ZNF462: variants seen among roughly 807,000 people sequenced by gnomAD.
ZNF462 encodes zinc finger PBX1-interacting protein.
A neutral mutation model predicts 201.9 loss-of-function variants in ZNF462; 10 were observed. That is an observed-to-expected ratio of 0.05 (90% CI 0.03 to 0.08). ZNF462 has a LOEUF of 0.08. Ranked by LOEUF, ZNF462 falls within the 10% of genes least tolerant of loss-of-function variation. The pLI, the probability that ZNF462 is intolerant of heterozygous loss-of-function variation, is 1.00. For synonymous variants in ZNF462, 1,227 were observed against 1,193.3 expected (o/e 1.03, Z -0.58); for missense variants, 2,523 against 3,168.3 (o/e 0.80, Z 4.89).
intron 1 of ZNF462, among the ~76,000 whole-genome samples, chr9:106,884,559 C>T (rs966801092): frequency 6.6e-6 from 1 of 152,032 alleles, no homozygotes; most frequent in Non-Finnish European, 1.5e-5. Flanking sequence ...TGCCCTGTCC[C>T]CTTCCTCCCA....
At chr9:106,980,061 A>G (rs1827305662) in intron 9 of ZNF462, among the ~76,000 whole-genome samples, 1 of 152,118 alleles carries the variant, frequency 6.6e-6, no homozygotes. Flanking sequence ...CTTTAATTTT[A>G]TTCAGTGAAA....
intron 8 of ZNF462, among the ~76,000 whole-genome samples, chr9:106,973,179 A>C (rs1452720232): frequency 6.6e-6 from 1 of 152,222 alleles, no homozygotes; most frequent in African/African-American, 2.4e-5. Flanking sequence ...TATTATAATA[A>C]TATGACATTA....
chr9:107,004,274 A>G (rs1191502574), intron 11 of ZNF462, among the ~76,000 whole-genome samples: 3 of 152,228 alleles, frequency 2.0e-5, no homozygotes, highest in Non-Finnish European at 4.4e-5. Context: ...ATATTGACCC[A>G]GAGATGAGAA....
At chr9:106,910,833 A>G (rs1477298712) in intron 1 of ZNF462, among the ~76,000 whole-genome samples, 1 of 152,156 alleles carries the variant, frequency 6.6e-6, no homozygotes, top group Non-Finnish European at 1.5e-5. Context: ...TTCCAGACAC[A>G]TCTTTGTCTT....
Position 107,011,513 on chromosome 9 carries a change from CA to C in ZNF462, c.*496del, listed in dbSNP as rs11284528. The C allele has an allele frequency of 0.1, 14,115 of 137,668 alleles. 1,774 individuals are homozygous for C. The highest frequency in any genetic ancestry group is 0.31 in the African/African-American group (11,995 of 38,710). 8.5% of individuals were successfully genotyped at this position (137,668 alleles called of 1,614,324 possible). ...AAAACAAAAAACAAAAAACAGAAAA[CA>C]AAAAAAAAAAAACTGCTTTGCATAA... On this transcript the variant is annotated 3_prime_UTR_variant, in exon 13 of 13. Coordinates refer to ENST00000277225, the MANE Select transcript of ZNF462 (RefSeq NM_021224.6). The surrounding 1 kb of genome is among the most constrained non-coding windows in gnomAD (Gnocchi z 5.6).
intron 10 of ZNF462, among the ~76,000 whole-genome samples, chr9:106,998,009 T>C (rs2132540769): frequency 6.6e-6 from 1 of 152,324 alleles, no homozygotes; most frequent in Non-Finnish European, 1.5e-5. Flanking sequence ...TGAATAGTTG[T>C]AACAAAGACT....
rs567097406 is a variant in ZNF462, at chr9:106,954,458, A to T, written c.6427+15351A>T. 1.5e-3 allele frequency among the ~76,000 whole-genome samples: 227 copies of T among 151,846 alleles called. No individual in the cohort carries two copies. Among genetic ancestry groups the T allele is most frequent in the African/African-American group, 5.0e-3 (208 of 41,410 alleles). Reference sequence around the variant, plus strand: ...CTTGACACGTGGGGATTACAATTAGAGATGAGATTTGGGTGGGGACACAGA... The same window carrying T: ...CTTGACACGTGGGGATTACAATTAGTGATGAGATTTGGGTGGGGACACAGA... On this transcript the variant is annotated intron_variant, in intron 7 of 12. Transcript: ENST00000277225. This position sits in a 1 kb window ranked among gnomAD's most constrained non-coding sequence, Gnocchi z 4.0.
upstream of ZNF462, chr9:106,863,041 GGGAGAGGGAGGAGA>G: frequency 2.5e-6 from 1 of 396,580 alleles, no homozygotes; most frequent in East Asian, 3.6e-5. Flanking sequence ...GAGCGCGCGA[GGGAGAGGGAGGAGA>G]GGAGAGAGAA....
At chr9:106,956,829 A>G (rs548215379) in intron 7 of ZNF462, among the ~76,000 whole-genome samples, 5 of 152,252 alleles carry the variant, frequency 3.3e-5, no homozygotes, top group Admixed American at 6.5e-5. Flanking sequence ...TTTCTTCTCC[A>G]GCTCTGTCAC....
rs1284617265 is a variant in ZNF462, at chr9:106,977,848, A to C, written c.6832+3575A>C. Among the ~76,000 whole-genome samples, 1 of 151,610 alleles carries C rather than the reference A, an allele frequency of 6.6e-6. No individual in the cohort carries two copies. Among genetic ancestry groups the C allele is most frequent in the Non-Finnish European group, 1.5e-5 (1 of 68,036 alleles). The stretch of plus-strand genomic sequence containing the variant: ...TGTAACAAGTGACCACCAAATGTGT[A>C]GATTAAAACAATAGAAATGTATTCT... On this transcript the variant is annotated intron_variant, in intron 9 of 12. Coordinates refer to ENST00000277225, the MANE Select transcript of ZNF462 (RefSeq NM_021224.6). The surrounding 1 kb of genome is among the most constrained non-coding windows in gnomAD (Gnocchi z 4.6).
At chr9:106,874,565 T>G (rs180800551) in intron 1 of ZNF462, among the ~76,000 whole-genome samples, 18 of 152,288 alleles carry the variant, frequency 1.2e-4, no homozygotes, top group Non-Finnish European at 2.5e-4. Context: ...GGCAAAGGAA[T>G]CATTCATTCT....
intron 11 of ZNF462, among the ~76,000 whole-genome samples, chr9:107,004,207 A>G (rs995483787): frequency 2.6e-5 from 4 of 152,220 alleles, no homozygotes; most frequent in Admixed American, 6.5e-5. Flanking sequence ...TACTTTAGTT[A>G]TTGCAGATTT....
intron 7 of ZNF462, among the ~76,000 whole-genome samples, chr9:106,946,934 A>G (rs1236276446): frequency 1.3e-5 from 2 of 152,228 alleles, no homozygotes; most frequent in African/African-American, 2.4e-5. Flanking sequence ...CCAGGAAAGC[A>G]TGTCCAAATG....
intron 1 of ZNF462, among the ~76,000 whole-genome samples, chr9:106,867,467 G>A (rs1416850069): frequency 6.6e-6 from 1 of 151,710 alleles, no homozygotes; most frequent in African/African-American, 2.4e-5. Context: ...TCCTCACATT[G>A]CATAATATTT....
chr9:106,965,881 C>A (rs1832049191), intron 7 of ZNF462, among the ~76,000 whole-genome samples: 1 of 152,058 alleles, frequency 6.6e-6, no homozygotes, highest in African/African-American at 2.4e-5. Flanking sequence ...AGTTTATTAG[C>A]AGTTGTATAA....
intron 8 of ZNF462, among the ~76,000 whole-genome samples, chr9:106,973,663 C>G (rs564378483): frequency 6.6e-6 from 1 of 152,246 alleles, no homozygotes; most frequent in South Asian, 2.1e-4. Context: ...TACAACACCA[C>G]TTAGTTTACC....
chr9:106,981,006 A>G lies in ZNF462; in HGVS notation c.6833-3180A>G, dbSNP rs905070. ...GAATGAATGACCTCATTCAGAAAAC[A>G]CTGTCAGTCATTTGCCCACCTTTTA... On this transcript the variant is annotated intron_variant, in intron 9 of 12. Coordinates refer to ENST00000277225, the MANE Select transcript of ZNF462 (RefSeq NM_021224.6). This position sits in a 1 kb window ranked among gnomAD's most constrained non-coding sequence, Gnocchi z 4.0. Among the ~76,000 whole-genome samples the G allele has an allele frequency of 0.17, 25,713 of 152,204 alleles. 2,640 individuals are homozygous for G. Among genetic ancestry groups the G allele is most frequent in the African/African-American group, 0.29 (11,961 of 41,498 alleles).
Position 106,883,079 on chromosome 9 carries a change from A to AAC in ZNF462, c.-31+19725_-31+19726insCA, listed in dbSNP as rs1242905231. ...TCAATGGAATGATTTAGATCATTGA[A>AAC]AGTCTACTATGTGCAGAAGCCTTCT... On this transcript the variant is annotated intron_variant, in intron 1 of 12. Coordinates refer to ENST00000277225, the MANE Select transcript of ZNF462 (RefSeq NM_021224.6). The surrounding 1 kb of genome is among the most constrained non-coding windows in gnomAD (Gnocchi z 4.9). Among the ~76,000 whole-genome samples the AAC allele has an allele frequency of 1.3e-5, 2 of 152,182 alleles. No individual in the cohort carries two copies. Among genetic ancestry groups the AAC allele is most frequent in the African/African-American group, 4.8e-5 (2 of 41,440 alleles).
chr9:106,913,421 A>G lies in ZNF462; in HGVS notation c.-30-9933A>G, dbSNP rs1356820052. On this transcript the variant is annotated intron_variant, in intron 1 of 12. Transcript: ENST00000277225. This position sits in a 1 kb window ranked among gnomAD's most constrained non-coding sequence, Gnocchi z 4.1. ...ATAGCACAAATCTCATCAGAGCCAG[A>G]CTTATGCCGGGCCCTGGGGATATAA... Among the ~76,000 whole-genome samples, 1 of 152,166 alleles carries G rather than the reference A, an allele frequency of 6.6e-6. No homozygotes were observed.
Sources: gnomAD v4.1 joint callset for allele counts (sites outside exome capture counted in the v4.1 genomes callset) on GRCh38, gnomAD v4.1.1 for gene constraint, Gnocchi (gnomAD v3.1) non-coding constraint, MANE v1.5 for transcripts, NCBI Gene and HGNC (gene_info 2026-07-23, HGNC 2026-07-21) for gene names.